The following KIAA1217 variants were observed in gnomAD, a reference collection of about 807,000 sequenced individuals.
KIAA1217 encodes sickle tail protein homolog.
A neutral mutation model predicts 163.9 loss-of-function variants in KIAA1217; 88 were observed. That is an observed-to-expected ratio of 0.54 (90% CI 0.45 to 0.64). The LOEUF is 0.64. Among genes scored for constraint, KIAA1217 ranks in the 30% least tolerant of loss-of-function variants. KIAA1217 has a pLI of 0.00. For missense variants in KIAA1217, 2,372 were observed against 2,475.0 expected (o/e 0.96, Z 0.88); for synonymous variants, 903 against 923.1 (o/e 0.98, Z 0.39).
chr10:24,432,449 G>T (rs886080286), intron 3 of KIAA1217, among the ~76,000 whole-genome samples: 1 of 151,604 alleles, frequency 6.6e-6, no homozygotes, highest in South Asian at 2.1e-4. Flanking sequence ...GCTACCAGAG[G>T]TTTGCTTCTT....
chr10:24,331,129 G>C (rs1289739119), intron 2 of KIAA1217, among the ~76,000 whole-genome samples: 1 of 151,988 alleles, frequency 6.6e-6, no homozygotes, highest in African/African-American at 2.4e-5. Flanking sequence ...TTTTTGTAGA[G>C]ACAGGGTCTC....
rs1304980135 is a variant in KIAA1217, at chr10:23,787,952, TGAGATGTTCAAGTGG to T, written c.-321+92722_-321+92736del. Among the ~76,000 whole-genome samples, 10 of 152,174 alleles carry T rather than the reference TGAGATGTTCAAGTGG, an allele frequency of 6.6e-5. No homozygotes were observed. In the South Asian group the frequency reaches 2.1e-3, roughly 32 times the overall value. On this transcript the variant is annotated intron_variant, in intron 1 of 18. Coordinates refer to the KIAA1217 transcript ENST00000376462. ...GCTCACACCTATAATCCCAGGATTT[TGAGATGTTCAAGTGG>T]GAGGATCAGTTGAGGCCAGGAGTTC... is the stretch of plus-strand genomic sequence containing the variant.
Position 24,305,136 on chromosome 10 carries a change from A to C in KIAA1217, c.355-75733A>C, listed in dbSNP as rs150966623. ...TAGTGTGACGTGTGTTTATAACATA[A>C]AATTAAATACGAAAGCAGAAACATT... On this transcript the variant is annotated intron_variant, in intron 2 of 20. Transcript: ENST00000376454. Among the ~76,000 whole-genome samples the C allele has an allele frequency of 1.9e-4, 29 of 152,334 alleles. No individual in the cohort carries two copies. The East Asian group carries it at 5.6e-3, about 29-fold the overall frequency.
At chr10:24,383,841 A>G (rs931303989) in intron 3 of KIAA1217, among the ~76,000 whole-genome samples, 1 of 152,202 alleles carries the variant, frequency 6.6e-6, no homozygotes, top group African/African-American at 2.4e-5. Flanking sequence ...CCTGGCCCTT[A>G]TGGCGTAATC....
At chr10:23,873,747 C>T (rs1215021286) in intron 1 of KIAA1217, among the ~76,000 whole-genome samples, 1 of 151,860 alleles carries the variant, frequency 6.6e-6, no homozygotes, top group Non-Finnish European at 1.5e-5. Context: ...TCTCAATGCT[C>T]AGAATTGAAG....
At chr10:23,821,039 T>A (rs1484024848) in intron 1 of KIAA1217, among the ~76,000 whole-genome samples, 1 of 152,004 alleles carries the variant, frequency 6.6e-6, no homozygotes, top group Non-Finnish European at 1.5e-5. Context: ...GAAAATTAAG[T>A]CAGCCGTGTC....
At chr10:24,366,249 A>G (rs539087886) in intron 2 of KIAA1217, among the ~76,000 whole-genome samples, 2 of 152,284 alleles carry the variant, frequency 1.3e-5, no homozygotes, top group South Asian at 4.2e-4. Flanking sequence ...GTTTGAGACC[A>G]GCCTGGCCAA....
chr10:24,464,981 C>A (rs1365746131), intron 5 of KIAA1217, among the ~76,000 whole-genome samples: 1 of 152,160 alleles, frequency 6.6e-6, no homozygotes, highest in Non-Finnish European at 1.5e-5. Context: ...TGTTAGCACA[C>A]CTCACGCCAT....
chr10:23,854,692 G>T (rs184462259), intron 1 of KIAA1217, among the ~76,000 whole-genome samples: 99 of 152,314 alleles, frequency 6.5e-4, no homozygotes, highest in Non-Finnish European at 5.7e-4. Flanking sequence ...ATGAATCTGA[G>T]TGCTCTTGTA....
chr10:23,977,713 C>A lies in KIAA1217; in HGVS notation c.-320-29512C>A, dbSNP rs567031662. Among the ~76,000 whole-genome samples the A allele has an allele frequency of 2.6e-5, 4 of 152,240 alleles. No individual in the cohort carries two copies. The South Asian group carries it at 8.3e-4, about 32-fold the overall frequency. On this transcript the variant is annotated intron_variant, in intron 1 of 18. Coordinates refer to the KIAA1217 transcript ENST00000376462. ...GATTTCATTGCCCAGCTCTCTGAGG[C>A]CACAATTTAAAGTTAATGTTATTTT...
intron 2 of KIAA1217, among the ~76,000 whole-genome samples, chr10:24,090,637 T>G (rs571321047): frequency 1.3e-5 from 2 of 151,822 alleles, no homozygotes; most frequent in Non-Finnish European, 2.9e-5. Flanking sequence ...AGAAGTGATC[T>G]TTAATCCACA....
In KIAA1217 at chr10:24,090,332, CTTTTTTTTTTTTTTT is replaced by C. The variant is rs35966270; in HGVS notation, c.-171+82972_-171+82986del. ...CAGGCATGCACCCTCACATCCTGCT[CTTTTTTTTTTTTTTT>C]TTTTTTTTTTTTTGAAGAGACAGGG... On this transcript the variant is annotated intron_variant, in intron 2 of 18. Coordinates refer to the KIAA1217 transcript ENST00000376462. 8.5e-4 allele frequency among the ~76,000 whole-genome samples: 50 copies of C among 58,936 alleles called. No individual in the cohort carries two copies. The South Asian group carries it at 0.011, about 13-fold the overall frequency. The allele number at this position is 58,936 out of a possible 152,430, so 38.7% of individuals were successfully genotyped here.
At chr10:24,066,334 C>T (rs957682598) in intron 2 of KIAA1217, among the ~76,000 whole-genome samples, 2 of 152,114 alleles carry the variant, frequency 1.3e-5, no homozygotes, top group East Asian at 1.9e-4. Flanking sequence ...TTAGGGCAGG[C>T]CTGGTGGTGA....
chr10:23,749,172 C>T (rs966323091), intron 1 of KIAA1217, among the ~76,000 whole-genome samples: 1 of 152,352 alleles, frequency 6.6e-6, no homozygotes, highest in Admixed American at 6.5e-5. Flanking sequence ...ATTTATACTA[C>T]CAAGATCCCC....
intron 1 of KIAA1217, among the ~76,000 whole-genome samples, chr10:23,893,713 T>G (rs1029505405): frequency 9.2e-5 from 14 of 151,960 alleles, no homozygotes; most frequent in Admixed American, 9.2e-4. Flanking sequence ...CCAATATCCT[T>G]GATGAACATT....
intron 1 of KIAA1217, among the ~76,000 whole-genome samples, chr10:23,995,922 T>C (rs1564596665): frequency 6.6e-6 from 1 of 152,192 alleles, no homozygotes; most frequent in Non-Finnish European, 1.5e-5. Context: ...GGAAAGTCAC[T>C]TCGCCTCTTG....
At chr10:24,308,375 T>C (rs1000626146) in intron 2 of KIAA1217, among the ~76,000 whole-genome samples, 1 of 152,176 alleles carries the variant, frequency 6.6e-6, no homozygotes, top group Non-Finnish European at 1.5e-5. Flanking sequence ...GGAATTTGGA[T>C]TGGAAAGAAA....
At chr10:24,116,633 A>G (rs1035363982) in intron 2 of KIAA1217, among the ~76,000 whole-genome samples, 1 of 152,122 alleles carries the variant, frequency 6.6e-6, no homozygotes, top group African/African-American at 2.4e-5. Flanking sequence ...ACAGCCTTCT[A>G]GATGATTTTT....
chr10:24,026,745 T>A (rs1847969457), intron 2 of KIAA1217, among the ~76,000 whole-genome samples: 4 of 65,524 alleles, frequency 6.1e-5, no homozygotes, highest in East Asian at 3.7e-4. Flanking sequence ...TTCATTGATT[T>A]TTTTTTTTTT....
Sources: gnomAD v4.1 joint callset for allele counts (sites outside exome capture counted in the v4.1 genomes callset) on GRCh38, gnomAD v4.1.1 for gene constraint, MANE v1.5 for transcripts, NCBI Gene and HGNC (gene_info 2026-07-23, HGNC 2026-07-21) for gene names.